Variants in NUS1 observed in about 807,000 individuals in gnomAD.
The protein encoded by NUS1 is NUS1 dehydrodolichyl diphosphate synthase subunit.
For missense variants in NUS1, 292 were observed against 382.9 expected (o/e 0.76, Z 1.98); for synonymous variants, 135 against 155.2 (o/e 0.87, Z 0.97).
In NUS1 at chr6:117,710,665, T is replaced by C. The variant is rs1354356581; in HGVS notation, c.*3650T>C. 2.6e-5 allele frequency: 4 copies of C among 152,198 alleles called. No individual in the cohort carries two copies. Among genetic ancestry groups the C allele is most frequent in the Non-Finnish European group, 4.4e-5 (3 of 68,014 alleles). The allele number at this position is 152,198 out of a possible 1,614,324, so 9.4% of individuals were successfully genotyped here. ...ATTGAGAGTCTTGCATTCTCTTTTG[T>C]ATTTGATTATTGTGTCTGGATATAA... On this transcript the variant is annotated 3_prime_UTR_variant, in exon 5 of 5. Transcript: ENST00000368494.
Position 117,706,990 on chromosome 6 carries a change from C to T in NUS1, c.857C>T (p.Ala286Val). Residue 286 changes from alanine (A) to valine (V), a missense_variant, in exon 5 of 5, where the codon GCC (alanine) becomes GTC (valine). Ala to Val is a moderately conservative substitution (Grantham distance 64). Transcript: ENST00000368494. ...TTCTCTGCCCTTCGTCAATATGCAG[C>T]CTGTGAACAGCGTCTGGGAAAGTAG... The part of the protein sequence containing the change: ...DFFSALRQYA[A>V]CEQRLGK 1 of 1,612,734 alleles carries T rather than the reference C, an allele frequency of 6.2e-7. No individual in the cohort carries two copies. Among genetic ancestry groups the T allele is most frequent in the Non-Finnish European group, 8.5e-7 (1 of 1,178,956 alleles).
chr6:117,705,428 AG>A (rs1412456716), intron 4 of NUS1, among the ~76,000 whole-genome samples: 1 of 152,196 alleles, frequency 6.6e-6, no homozygotes, highest in African/African-American at 2.4e-5. Context: ...ATTTGTACAA[AG>A]GGCATGTTAA....
intron 1 of NUS1, among the ~76,000 whole-genome samples, chr6:117,681,204 T>C (rs35957877): frequency 6.6e-6 from 1 of 152,210 alleles, no homozygotes; most frequent in Non-Finnish European, 1.5e-5. Flanking sequence ...CTGAATCTCC[T>C]CAGAACTTCA....
intron 3 of NUS1, among the ~76,000 whole-genome samples, chr6:117,697,121 G>A (rs113851996): frequency 5.3e-5 from 8 of 152,116 alleles, no homozygotes; most frequent in African/African-American, 1.9e-4. Flanking sequence ...GATAGTATTT[G>A]CAAGCCTCAT....
At chr6:117,692,966 G>A (rs982175071) in intron 1 of NUS1, 76 bp from the exon 2 acceptor site, 1 of 1,230,904 alleles carries the variant, frequency 8.1e-7, no homozygotes, top group South Asian at 1.3e-5. Context: ...ATCTAGTGTT[G>A]TTTTCATAGC....
At position 117,678,020 on chromosome 6, in the gene NUS1, C is replaced by A. The variant is rs117874116; in HGVS notation, c.415+1935C>A. On this transcript the variant is annotated intron_variant, in intron 1 of 4. Coordinates refer to ENST00000368494, the MANE Select transcript of NUS1 (RefSeq NM_138459.5). ...GACTTGATGACCGTGCCTACTAGTA[C>A]AGACTATAATGTTGCCACATTTCCT... Among the ~76,000 whole-genome samples the A allele has an allele frequency of 1.1e-3, 166 of 152,294 alleles. 2 individuals carry two copies. In the East Asian group the frequency reaches 0.026, roughly 24 times the overall value.
At chr6:117,701,167 A>G (rs1289185283) in intron 3 of NUS1, among the ~76,000 whole-genome samples, 2 of 151,884 alleles carry the variant, frequency 1.3e-5, no homozygotes, top group African/African-American at 4.8e-5. Flanking sequence ...AATTTGGGGA[A>G]AGTTGCCTTC....
chr6:117,701,059 A>G (rs1199751521), intron 3 of NUS1, among the ~76,000 whole-genome samples: 5 of 150,066 alleles, frequency 3.3e-5, no homozygotes, highest in African/African-American at 1.2e-4. Flanking sequence ...GTGTCTATTC[A>G]GGGTCCTTTG....
intron 3 of NUS1, among the ~76,000 whole-genome samples, chr6:117,697,625 T>C (rs943461776): frequency 2.0e-5 from 3 of 151,928 alleles, no homozygotes; most frequent in South Asian, 2.1e-4. Flanking sequence ...TAAATACATA[T>C]GCACCCAACA....
rs139972165 is a variant in NUS1, at chr6:117,694,110, T to C, written c.621T>C (p.Phe207=). 63 of 1,612,694 alleles carry C rather than the reference T, an allele frequency of 3.9e-5. No individual in the cohort carries two copies. Among genetic ancestry groups the C allele is most frequent in the Non-Finnish European group, 8.5e-7 (1 of 1,179,256 alleles). Residue 207 remains phenylalanine (F), a synonymous_variant, in exon 3 of 5, where the codon TTT becomes TTC. Coordinates refer to ENST00000368494, the MANE Select transcript of NUS1 (RefSeq NM_138459.5). ...KADIVRAAQD[F]CQLVAQKQKR... The stretch of plus-strand genomic sequence containing the variant: ...ATATTGTAAGAGCTGCTCAGGACTT[T>C]TGCCAGTTAGTAGCCCAGAAGCAAA...
rs1319146902 is a variant in NUS1, at chr6:117,707,861, A to G, written c.*846A>G. 6.6e-6 allele frequency: 1 copy of G among 152,542 alleles called. No individual in the cohort carries two copies. The highest frequency in any genetic ancestry group is 1.5e-5 in the Non-Finnish European group (1 of 68,046). 9.4% of individuals were successfully genotyped at this position (152,542 alleles called of 1,614,324 possible). On this transcript the variant is annotated 3_prime_UTR_variant, in exon 5 of 5. Transcript: ENST00000368494. ...AAGCATAAAAGGTCAATAAGTTGTA[A>G]TCTTGATAGTAAAGGTGGAAAACTT...
At chr6:117,700,448 G>T (rs1226315039) in intron 3 of NUS1, among the ~76,000 whole-genome samples, 1 of 152,088 alleles carries the variant, frequency 6.6e-6, no homozygotes, top group Non-Finnish European at 1.5e-5. Context: ...ACATATTATT[G>T]TAAAATGGCT....
At chr6:117,682,215 T>G (rs958937503) in intron 1 of NUS1, among the ~76,000 whole-genome samples, 1 of 152,228 alleles carries the variant, frequency 6.6e-6, no homozygotes, top group Non-Finnish European at 1.5e-5. Context: ...ACTCTGTCTT[T>G]GAAAAATTCT....
At chr6:117,701,346 G>A (rs531732027) in intron 3 of NUS1, among the ~76,000 whole-genome samples, 43 of 150,298 alleles carry the variant, frequency 2.9e-4, no homozygotes, top group Admixed American at 2.8e-3. Flanking sequence ...CCGGGTTTAC[G>A]CCATTCTCCT....
rs1414061827 is a variant in NUS1 at position 117,676,000 on chromosome 6, G to A, written c.330G>A (p.Gln110=). 18 of 1,549,692 alleles carry A rather than the reference G, an allele frequency of 1.2e-5. No individual in the cohort carries two copies. The highest frequency in any genetic ancestry group is 1.6e-5 in the Non-Finnish European group (18 of 1,146,926). ...HMGLVITEVE[Q]EPSFSDIASL... The stretch of plus-strand genomic sequence containing the variant: ...GCCTGGTGATCACCGAGGTGGAGCA[G>A]GAACCCAGCTTCTCGGACATCGCGA... The change falls in exon 1 of 5, where the codon CAG becomes CAA. Residue 110 remains glutamine (Q), a synonymous_variant. Coordinates refer to ENST00000368494, the MANE Select transcript of NUS1 (RefSeq NM_138459.5).
chr6:117,687,010 A>T (rs1257887116), intron 1 of NUS1, among the ~76,000 whole-genome samples: 1 of 152,102 alleles, frequency 6.6e-6, no homozygotes, highest in Non-Finnish European at 1.5e-5. Flanking sequence ...CATCTTGCCC[A>T]TAGTGTCTTA....
intron 1 of NUS1, among the ~76,000 whole-genome samples, chr6:117,692,445 T>C (rs550838983): frequency 1.3e-5 from 2 of 152,236 alleles, no homozygotes; most frequent in South Asian, 4.1e-4. Flanking sequence ...ATGACAGTAG[T>C]TAACAGTGTT....
intron 1 of NUS1, among the ~76,000 whole-genome samples, chr6:117,690,979 C>CA (rs71736900): frequency 0.14 from 10,572 of 73,216 alleles, 1,307 homozygotes; most frequent in African/African-American, 0.28. Context: ...GAGTCTGTCT[C>CA]AAAAAAAAAA....
rs1329086296 is a variant in NUS1, at chr6:117,708,534, G to T, written c.*1519G>T. 5 of 152,074 alleles carry T rather than the reference G, an allele frequency of 3.3e-5. No homozygotes were observed. Among genetic ancestry groups the T allele is most frequent in the East Asian group, 1.9e-4 (1 of 5,190 alleles). The allele number at this position is 152,074 out of a possible 1,614,324, so 9.4% of individuals were successfully genotyped here. Reference sequence around the variant, plus strand: ...AATAAATGTTTCAACTTTGGATTATGAAACCCCATTTATGATTTTTTAAAT... The same window carrying T: ...AATAAATGTTTCAACTTTGGATTATTAAACCCCATTTATGATTTTTTAAAT... On this transcript the variant is annotated 3_prime_UTR_variant, in exon 5 of 5. Coordinates refer to ENST00000368494, the MANE Select transcript of NUS1 (RefSeq NM_138459.5).
Sources: gnomAD v4.1 joint callset for allele counts (sites outside exome capture counted in the v4.1 genomes callset) on GRCh38, gnomAD v4.1.1 for gene constraint, MANE v1.5 for transcripts, NCBI Gene and HGNC (gene_info 2026-07-23, HGNC 2026-07-21) for gene names.